MTHFD1: variants seen among roughly 807,000 people sequenced by gnomAD.
The protein encoded by MTHFD1 is methylenetetrahydrofolate dehydrogenase, cyclohydrolase and formyltetrahydrofolate synthetase 1.
In MTHFD1, 44 loss-of-function variants were observed where a neutral mutation model predicts 110.3. The ratio of observed to expected loss-of-function variants is 0.40; its 90% CI spans 0.31 to 0.51. The LOEUF (loss-of-function observed/expected upper bound fraction) is 0.51. Among genes scored for constraint, MTHFD1 ranks in the 20% least tolerant of loss-of-function variants. The pLI, the probability that MTHFD1 is intolerant of heterozygous loss-of-function variation, is 0.60. For missense variants in MTHFD1, 909 were observed against 1,173.1 expected, an observed-to-expected ratio of 0.77 and a Z score of 3.29; for synonymous variants, 402 against 428.8, an observed-to-expected ratio of 0.94 and a Z score of 0.77.
Position 64,400,661 on chromosome 14 carries a change from C to T in MTHFD1, c.42-132C>T, listed in dbSNP as rs144138053. The T allele has an allele frequency of 1.7e-3, 1,177 of 697,878 alleles. 12 individuals carry two copies. The African/African-American group carries it at 0.019, about 11-fold the overall frequency. 43.2% of individuals were successfully genotyped at this position (697,878 alleles called of 1,614,324 possible). A position where few individuals can be genotyped will look rare whatever the true frequency, so the allele number is the denominator to read the frequency against. ...TTTGATTGTGCCACTGTACTCCCAGCCTGGGTGACAGAGCGAGACCCTGTG... is the reference window on the plus strand; with the variant it reads ...TTTGATTGTGCCACTGTACTCCCAGTCTGGGTGACAGAGCGAGACCCTGTG... On this transcript the variant is annotated intron_variant, in intron 1 of 27. Transcript: ENST00000652337.
At chr14:64,411,849 C>T (rs1252304768) in intron 3 of MTHFD1, among the ~76,000 whole-genome samples, 1 of 151,738 alleles carries the variant, frequency 6.6e-6, no homozygotes, top group African/African-American at 2.4e-5. Flanking sequence ...TGTGGTGAGC[C>T]AAGATAGTGC....
At position 64,406,044 on chromosome 14, in the gene MTHFD1, A is replaced by T. The variant is rs533007478; in HGVS notation, c.127-5046A>T. Among the ~76,000 whole-genome samples, 409 of 144,926 alleles carry T rather than the reference A, an allele frequency of 2.8e-3. 4 individuals are homozygous for T. Among genetic ancestry groups the T allele is most frequent in the Admixed American group, 3.9e-3 (56 of 14,326 alleles). ...ATATATAATAATAATTATTATTATT[A>T]TTATTTTTTTTGAGACTGAGTTTTG... On this transcript the variant is annotated intron_variant, in intron 2 of 27. Transcript: ENST00000652337.
rs1386811542 is a variant in MTHFD1, at chr14:64,452,455, C to G, written c.2458-1299C>G. 2.0e-5 allele frequency among the ~76,000 whole-genome samples: 3 copies of G among 152,160 alleles called. No individual in the cohort carries two copies. In the East Asian group the frequency reaches 5.8e-4, roughly 29 times the overall value. On this transcript the variant is annotated intron_variant, in intron 24 of 27. Transcript: ENST00000652337. Reference sequence around the variant, plus strand: ...TCTCCGTATGCTGTTCTCTTTGAATCTTAATGCCCTGAACTAGTCTACACA... The same window carrying G: ...TCTCCGTATGCTGTTCTCTTTGAATGTTAATGCCCTGAACTAGTCTACACA...
At chr14:64,439,546 C>T (rs748124156) in intron 17 of MTHFD1, among the ~76,000 whole-genome samples, 8 of 152,120 alleles carry the variant, frequency 5.3e-5, no homozygotes. Flanking sequence ...TGATTATAAG[C>T]GGCCTTCATA....
chr14:64,440,403 T>C, intron 18 of MTHFD1, 137 bp downstream of exon 18: 1 of 1,076,942 alleles, frequency 9.3e-7, no homozygotes, highest in Non-Finnish European at 1.4e-6. Flanking sequence ...CCTATTTTGC[T>C]AATTACAAGA....
chr14:64,400,733 G>C, intron 1 of MTHFD1, 60 bp from the exon 2 acceptor site: 4 of 1,023,002 alleles, frequency 3.9e-6, no homozygotes, highest in Non-Finnish European at 6.2e-6. Context: ...CTAATAATCT[G>C]CATCACTTAT....
At chr14:64,432,567 A>G (rs1003386072) in intron 15 of MTHFD1, among the ~76,000 whole-genome samples, 2 of 152,366 alleles carry the variant, frequency 1.3e-5, no homozygotes, top group Admixed American at 1.3e-4. Context: ...ACTTGGATGA[A>G]TTTCAGTGGC....
chr14:64,430,254 GA>G, intron 13 of MTHFD1, 24 bp downstream of exon 13: 1 of 1,609,976 alleles, frequency 6.2e-7, no homozygotes, highest in Non-Finnish European at 8.5e-7. Context: ...GGATTTGGCT[GA>G]ATTAGATCCC....
chr14:64,444,278 C>CGTGTG (rs2078272234), intron 21 of MTHFD1, among the ~76,000 whole-genome samples: 1 of 152,108 alleles, frequency 6.6e-6, no homozygotes, highest in Admixed American at 6.5e-5. Flanking sequence ...TTCATGAAAC[C>CGTGTG]ATGGCAGGGC....
At chr14:64,427,573 C>A in intron 12 of MTHFD1, 100 bp downstream of exon 12, 2 of 1,136,824 alleles carry the variant, frequency 1.8e-6, no homozygotes, top group South Asian at 2.5e-5. Context: ...GTCTTCAACT[C>A]ATTTCAACAC....
intron 7 of MTHFD1, chr14:64,419,355 C>T: frequency 9.6e-6 from 2 of 208,692 alleles, no homozygotes; most frequent in Non-Finnish European, 1.8e-5. Flanking sequence ...GCATCAGATT[C>T]CTGAGCCCAA....
intron 21 of MTHFD1, among the ~76,000 whole-genome samples, chr14:64,443,867 G>A (rs1176356715): frequency 2.0e-5 from 3 of 152,180 alleles, no homozygotes; most frequent in Admixed American, 6.5e-5. Flanking sequence ...TGTCAAGAGA[G>A]TAGGCCTCCT....
intron 12 of MTHFD1, among the ~76,000 whole-genome samples, chr14:64,428,172 G>A (rs578011580): frequency 1.4e-5 from 2 of 147,478 alleles, no homozygotes; most frequent in South Asian, 4.3e-4. Context: ...GGAATGCAGT[G>A]GTGTGATCTC....
chr14:64,421,660 G>T (rs1303829027), intron 8 of MTHFD1, among the ~76,000 whole-genome samples: 2 of 145,880 alleles, frequency 1.4e-5, no homozygotes, highest in Non-Finnish European at 3.0e-5. Flanking sequence ...GTCTCGCTCT[G>T]TTGCCCAGGC....
chr14:64,458,039 T>G (rs892683780), intron 26 of MTHFD1, 175 bp from the exon 27 acceptor site: 2 of 648,212 alleles, frequency 3.1e-6, no homozygotes, highest in Admixed American at 4.7e-5. Context: ...TACAGGCACA[T>G]GCCATCATAT....
chr14:64,453,924 C>G, intron 25 of MTHFD1, 63 bp downstream of exon 25: 4 of 1,030,270 alleles, frequency 3.9e-6, no homozygotes, highest in Non-Finnish European at 6.1e-6. Context: ...GTCACAATCT[C>G]TGGGTCCTCC....
At chr14:64,408,285 CTTT>C (rs1555336630) in intron 2 of MTHFD1, among the ~76,000 whole-genome samples, 3 of 121,170 alleles carry the variant, frequency 2.5e-5, no homozygotes, top group Non-Finnish European at 4.9e-5. Context: ...AATCAGCATT[CTTT>C]TTTTTTTTTT....
chr14:64,403,014 C>T (rs967983009), intron 2 of MTHFD1, among the ~76,000 whole-genome samples: 36 of 152,224 alleles, frequency 2.4e-4, no homozygotes, highest in African/African-American at 8.7e-4. Context: ...TTACTCAGTG[C>T]AGTGGCACAA....
intron 16 of MTHFD1, among the ~76,000 whole-genome samples, chr14:64,436,795 G>A (rs2078209484): frequency 6.6e-6 from 1 of 152,134 alleles, no homozygotes; most frequent in Non-Finnish European, 1.5e-5. Context: ...TAAGGAATAA[G>A]CTAAAAGTCC....
Sources: allele counts gnomAD v4.1 joint callset (sites outside exome capture counted in the v4.1 genomes callset), GRCh38; gene constraint gnomAD v4.1.1; transcripts MANE v1.5; gene names NCBI Gene and HGNC (gene_info 2026-07-23, HGNC 2026-07-21).